The following MYO16 variants were observed in gnomAD, a reference collection of about 807,000 sequenced individuals.
MYO16 encodes the protein unconventional myosin-XVI.
In MYO16, 94 loss-of-function variants were observed where a neutral mutation model predicts 205.3. The ratio of observed to expected loss-of-function variants is 0.46; its 90% CI spans 0.39 to 0.54. The LOEUF (loss-of-function observed/expected upper bound fraction) is 0.54. Ranked by LOEUF, MYO16 falls within the 20% of genes least tolerant of loss-of-function variation. MYO16 has a pLI of 0.00. For synonymous variants in MYO16, 988 were observed against 954.0 expected, an observed-to-expected ratio of 1.04 and a Z score of -0.66; for missense variants, 2,315 against 2,387.5, an observed-to-expected ratio of 0.97 and a Z score of 0.63.
chr13:108,626,762 G>A (rs556174708), upstream of MYO16, among the ~76,000 whole-genome samples: 107 of 151,648 alleles, frequency 7.1e-4, no homozygotes, highest in African/African-American at 2.2e-3. Context: ...CCAAGATCGC[G>A]CCATTGCACT....
intron 1 of MYO16, among the ~76,000 whole-genome samples, chr13:108,636,363 TTTTTTTTGTG>T (rs1880241460): frequency 1.3e-5 from 1 of 77,472 alleles, no homozygotes; most frequent in Non-Finnish European, 2.6e-5. Flanking sequence ...TTTTTTTTTT[TTTTTTTTGTG>T]TGTGTGTGTG....
chr13:108,963,839 C>T (rs903643300), intron 19 of MYO16, among the ~76,000 whole-genome samples: 1 of 152,202 alleles, frequency 6.6e-6, no homozygotes, highest in African/African-American at 2.4e-5. Flanking sequence ...ACCCACCTGC[C>T]CTCCTCAGTC....
chr13:109,192,847 GT>G (rs1260045398), intron 34 of MYO16, among the ~76,000 whole-genome samples: 1 of 152,164 alleles, frequency 6.6e-6, no homozygotes, highest in Non-Finnish European at 1.5e-5. Flanking sequence ...TGATTTATCT[GT>G]TATGACATCC....
At chr13:108,933,338 G>A (rs1882341921) in intron 16 of MYO16, among the ~76,000 whole-genome samples, 1 of 152,142 alleles carries the variant, frequency 6.6e-6, no homozygotes, top group African/African-American at 2.4e-5. Context: ...CATGGTCTCA[G>A]AAGTGGACTA....
chr13:108,516,949 G>A, the MYO16 span, among the ~76,000 whole-genome samples: 3 of 140,014 alleles, frequency 2.1e-5, no homozygotes, highest in Non-Finnish European at 4.6e-5. Flanking sequence ...TTTGTTTTTA[G>A]AGACAGGGTC....
At chr13:109,022,709 A>T (rs1357182658) in intron 23 of MYO16, among the ~76,000 whole-genome samples, 1 of 100,308 alleles carries the variant, frequency 1.0e-5, no homozygotes, top group Non-Finnish European at 2.0e-5. Flanking sequence ...TATATATTAT[A>T]TATACGCATA....
intron 2 of MYO16, among the ~76,000 whole-genome samples, chr13:108,668,433 A>G (rs945552565): frequency 6.6e-6 from 1 of 152,190 alleles, no homozygotes; most frequent in Non-Finnish European, 1.5e-5. Context: ...ATTGCTACCA[A>G]AACAAATTAT....
intron 14 of MYO16, among the ~76,000 whole-genome samples, chr13:108,897,317 A>G (rs550220217): frequency 2.0e-5 from 3 of 152,316 alleles, no homozygotes; most frequent in African/African-American, 7.2e-5. Flanking sequence ...GCTTAAGGAA[A>G]CATGTCAAGG....
intron 2 of MYO16, among the ~76,000 whole-genome samples, chr13:108,668,978 G>A (rs562079201): frequency 3.3e-5 from 5 of 152,196 alleles, no homozygotes; most frequent in African/African-American, 4.8e-5. Flanking sequence ...AGCCACAGTA[G>A]GAGTGCCTCT....
upstream of MYO16, among the ~76,000 whole-genome samples, chr13:108,624,980 A>G (rs1458471685): frequency 6.6e-6 from 1 of 152,180 alleles, no homozygotes; most frequent in Non-Finnish European, 1.5e-5. Context: ...TTGAATAACC[A>G]GGGATATTTT....
At chr13:108,659,621 G>C (rs1336859637) in intron 1 of MYO16, among the ~76,000 whole-genome samples, 1 of 152,134 alleles carries the variant, frequency 6.6e-6, no homozygotes, top group African/African-American at 2.4e-5. Context: ...AGTTAGATGG[G>C]AACACGGTGT....
Position 109,125,251 on chromosome 13 carries a change from T to C in MYO16, c.3675T>C (p.Asn1225=). ...LKTYDALVIQ[N]ASDIARENDR... ...CCTACGATGCCCTGGTCATTCAGAA[T>C]GCTTCAGACATTGCCCGGGAAAATG... Residue 1225 remains asparagine (N), a synonymous_variant, in exon 30 of 35, where the codon AAT becomes AAC. Transcript: ENST00000457511. The surrounding 1 kb of genome is among the most constrained non-coding windows in gnomAD (Gnocchi z 4.0). The C allele has an allele frequency of 6.2e-7, 1 of 1,614,174 alleles. No homozygotes were observed. The highest frequency in any genetic ancestry group is 1.1e-5 in the South Asian group (1 of 91,076).
chr13:109,173,533 A>G (rs1164470611), intron 33 of MYO16, among the ~76,000 whole-genome samples: 2 of 152,150 alleles, frequency 1.3e-5, no homozygotes, highest in African/African-American at 4.8e-5. Context: ...TCTCTGATAG[A>G]ATAGGTGAGT....
chr13:108,720,198 A>G (rs1884106867), intron 3 of MYO16, among the ~76,000 whole-genome samples: 1 of 152,212 alleles, frequency 6.6e-6, no homozygotes, highest in Admixed American at 6.5e-5. Context: ...AGATAACACT[A>G]CAGTGAATAT....
chr13:108,963,890 G>T (rs920259932), intron 19 of MYO16, among the ~76,000 whole-genome samples: 1 of 152,030 alleles, frequency 6.6e-6, no homozygotes, highest in Non-Finnish European at 1.5e-5. Flanking sequence ...GTCATAAATG[G>T]CCACACCCAC....
At position 108,712,707 on chromosome 13, in the gene MYO16, C is replaced by T. The variant is rs1010059785; in HGVS notation, c.339C>T (p.Ser113=). ...GGGCAGACCCCCACACCCTCGTCTC[C>T]TCGGGAGGGTCCCTGCTCCATCTGG... is the stretch of plus-strand genomic sequence containing the variant. ...KEGADPHTLV[S]SGGSLLHLCA... is the part of the protein sequence containing the mutation. The change falls in exon 3 of 35, where the codon TCC becomes TCT. Residue 113 remains serine (S), a synonymous_variant. Transcript: ENST00000457511. 6.2e-7 allele frequency: 1 copy of T among 1,613,984 alleles called. No individual in the cohort carries two copies. Among genetic ancestry groups the T allele is most frequent in the Non-Finnish European group, 8.5e-7 (1 of 1,179,940 alleles).
chr13:108,866,177 A>G lies in MYO16; in HGVS notation c.1360A>G (p.Thr454Ala). 1 of 1,598,408 alleles carries G rather than the reference A, an allele frequency of 6.3e-7. No individual in the cohort carries two copies. The highest frequency in any genetic ancestry group is 8.5e-7 in the Non-Finnish European group (1 of 1,170,750). ...QKRFGNNQIY[T>A]FIGDILLLVN... is the part of the protein sequence containing the mutation. ...ACTGTTTGCATCCCTTTTTTCACAG[A>G]CATTCATTGGAGACATTCTTTTGCT... The change falls in exon 12 of 35, where the codon ACA (threonine) becomes GCA (alanine). Residue 454 changes from threonine (T) to alanine (A), a missense_variant and splice_region_variant. Coordinates refer to ENST00000457511, the MANE Select transcript of MYO16 (RefSeq NM_001198950.3).
At chr13:108,701,411 G>A (rs1159012754) in intron 2 of MYO16, among the ~76,000 whole-genome samples, 1 of 152,050 alleles carries the variant, frequency 6.6e-6, no homozygotes, top group African/African-American at 2.4e-5. Context: ...GTTATCGTGG[G>A]AGTGGCCCCC....
intron 1 of MYO16, among the ~76,000 whole-genome samples, chr13:108,613,756 C>T (rs1344504838): frequency 1.3e-5 from 2 of 151,930 alleles, no homozygotes; most frequent in Non-Finnish European, 2.9e-5. Flanking sequence ...TTACAAAAGA[C>T]AAATTAATAG....
Sources: gnomAD v4.1 joint callset for allele counts (sites outside exome capture counted in the v4.1 genomes callset) on GRCh38, gnomAD v4.1.1 for gene constraint, Gnocchi (gnomAD v3.1) non-coding constraint, MANE v1.5 for transcripts, NCBI Gene and HGNC (gene_info 2026-07-23, HGNC 2026-07-21) for gene names.